Variants in SLCO1C1 observed in about 807,000 individuals in gnomAD.
SLCO1C1 encodes solute carrier organic anion transporter family member 1C1, also known as OAT-RP-5.
A neutral mutation model predicts 76.4 loss-of-function variants in SLCO1C1; 70 were observed. The ratio of observed to expected loss-of-function variants is 0.92; its 90% CI spans 0.76 to 1.12. The LOEUF is 1.12. Ranked by LOEUF, SLCO1C1 falls within the 50% of genes most tolerant of loss-of-function variation. SLCO1C1 has a pLI of 0.00. For synonymous variants in SLCO1C1, 306 were observed against 286.1 expected, an observed-to-expected ratio of 1.07 and a Z score of -0.70; for missense variants, 912 against 823.8, an observed-to-expected ratio of 1.11 and a Z score of -1.31.
rs921146357 is a variant in SLCO1C1 at position 20,722,016 on chromosome 12, G to A, written c.988G>A (p.Gly330Arg). Residue 330 changes from glycine to arginine, a missense_variant, in exon 8 of 15, where the codon GGA (glycine) becomes AGA (arginine). Physicochemically the swap from Gly to Arg is moderately radical, Grantham distance 125. Coordinates refer to ENST00000266509, the MANE Select transcript of SLCO1C1 (RefSeq NM_017435.5). Reference protein sequence around the residue: ...DDHTDYQTPQGENAKIMEMAR... With the variant: ...DDHTDYQTPQRENAKIMEMAR... ...TCACACAGACTACCAAACACCCCAG[G>A]GAGAAAATGCAAAAATAATGGAAAT... 1 of 1,613,658 alleles carries A rather than the reference G, an allele frequency of 6.2e-7. No homozygotes were observed. The highest frequency in any genetic ancestry group is 8.5e-7 in the Non-Finnish European group (1 of 1,179,878).
intron 9 of SLCO1C1, among the ~76,000 whole-genome samples, chr12:20,723,769 C>T (rs1045532024): frequency 6.6e-6 from 1 of 152,116 alleles, no homozygotes; most frequent in Non-Finnish European, 1.5e-5. Context: ...CTTACAAATA[C>T]ATGACCACCA....
At chr12:20,714,510 C>A (rs1254217115) in intron 5 of SLCO1C1, among the ~76,000 whole-genome samples, 1 of 152,016 alleles carries the variant, frequency 6.6e-6, no homozygotes, top group African/African-American at 2.4e-5. Flanking sequence ...CAAATGATTT[C>A]TTTTGTTGGA....
In SLCO1C1 at chr12:20,740,179, T is replaced by A. The variant is rs1948737456; in HGVS notation, c.1549-5T>A. ...ATAATTGGACTTTTCCCTATCGTGT[T>A]ACAGATATTTTACAACTGCACTTGT... is the stretch of plus-strand genomic sequence containing the variant. On this transcript the variant is annotated splice_region_variant and splice_polypyrimidine_tract_variant and intron_variant, in intron 11 of 14. Coordinates refer to ENST00000266509, the MANE Select transcript of SLCO1C1 (RefSeq NM_017435.5). 3 of 1,607,472 alleles carry A rather than the reference T, an allele frequency of 1.9e-6. No individual in the cohort carries two copies. Among genetic ancestry groups the A allele is most frequent in the Non-Finnish European group, 2.5e-6 (3 of 1,177,830 alleles).
intron 9 of SLCO1C1, among the ~76,000 whole-genome samples, chr12:20,728,679 A>G (rs1948140488): frequency 6.6e-6 from 1 of 151,966 alleles, no homozygotes. Context: ...AAGTACTATT[A>G]TTATTATTAT....
chr12:20,722,237 G>T, intron 8 of SLCO1C1, among the ~76,000 whole-genome samples, 188 bp downstream of exon 8: 1 of 152,204 alleles, frequency 6.6e-6, no homozygotes, highest in Non-Finnish European at 1.5e-5. Flanking sequence ...AAGAGCAAAG[G>T]CTTGACAGCC....
chr12:20,701,243 GTT>G, intron 2 of SLCO1C1, 73 bp from the exon 3 acceptor site: 2 of 1,312,064 alleles, frequency 1.5e-6, no homozygotes, highest in Non-Finnish European at 2.0e-6. Context: ...TTTTGTATTT[GTT>G]TGTCTATTTA....
At chr12:20,704,242 GATAT>G (rs143641721) in intron 3 of SLCO1C1, among the ~76,000 whole-genome samples, 28 of 150,404 alleles carry the variant, frequency 1.9e-4, no homozygotes, top group East Asian at 1.2e-3. Flanking sequence ...ATGGTATATA[GATAT>G]ATATATATAT....
chr12:20,733,185 T>C, intron 10 of SLCO1C1, 81 bp downstream of exon 10: 1 of 1,332,398 alleles, frequency 7.5e-7, no homozygotes, highest in Non-Finnish European at 1.0e-6. Flanking sequence ...AAAAAGGAAT[T>C]TGATTTTTAA....
At position 20,752,677 on chromosome 12, in the gene SLCO1C1, T is replaced by C; in HGVS notation, c.*149T>C. 1 of 548,744 alleles carries C rather than the reference T, an allele frequency of 1.8e-6. No individual in the cohort carries two copies. The highest frequency in any genetic ancestry group is 3.1e-6 in the Non-Finnish European group (1 of 323,182). The allele number at this position is 548,744 out of a possible 1,614,324, so 34.0% of individuals were successfully genotyped here. A position where few individuals can be genotyped will look rare whatever the true frequency, so the allele number is the denominator to read the frequency against. On this transcript the variant is annotated 3_prime_UTR_variant, in exon 15 of 15. Transcript: ENST00000266509. ...GGTCCTAGGCATTAGGTAATATAAC[T>C]GATAATATACTGAAACATATAATGG...
chr12:20,728,579 G>C (rs949023295), intron 9 of SLCO1C1, among the ~76,000 whole-genome samples: 2 of 151,610 alleles, frequency 1.3e-5, no homozygotes, highest in Non-Finnish European at 2.9e-5. Flanking sequence ...TAATTTGAAG[G>C]AAAGTTGCTT....
rs1946422621 is a variant in SLCO1C1 at position 20,699,590 on chromosome 12, C to G, written c.14C>G (p.Ser5Cys). ...AATGTGTTTATAATGGACACTTCAT[C>G]CAAAGAAAATATCCAGTTGTTCTGC... is the stretch of plus-strand genomic sequence containing the variant. MDTSSKENIQLFCKT... is the reference protein window; with the variant it reads MDTSCKENIQLFCKT... The change falls in exon 2 of 15, where the codon TCC becomes TGC. Residue 5 changes from serine (S) to cysteine (C), a missense_variant. Coordinates refer to ENST00000266509, the MANE Select transcript of SLCO1C1 (RefSeq NM_017435.5). The G allele has an allele frequency of 6.2e-7, 1 of 1,610,742 alleles. No homozygotes were observed. The highest frequency in any genetic ancestry group is 8.5e-7 in the Non-Finnish European group (1 of 1,178,542).
In SLCO1C1 at chr12:20,701,303, T is replaced by G. The variant is rs1288309753; in HGVS notation, c.130-15T>G. 8 of 1,484,742 alleles carry G rather than the reference T, an allele frequency of 5.4e-6. No homozygotes were observed. The East Asian group carries it at 1.4e-4, about 27-fold the overall frequency. 92.0% of individuals were successfully genotyped at this position (1,484,742 alleles called of 1,614,324 possible). A position where few individuals can be genotyped will look rare whatever the true frequency, so the allele number is the denominator to read the frequency against. On this transcript the variant is annotated splice_polypyrimidine_tract_variant and intron_variant, in intron 2 of 14. Coordinates refer to ENST00000266509, the MANE Select transcript of SLCO1C1 (RefSeq NM_017435.5). The stretch of plus-strand genomic sequence containing the variant: ...AGCTGGAGTCAGACTAAGTGTGACC[T>G]GTCATATTTTCCAGGTGTTCTTGTG...
At chr12:20,703,150 T>G (rs987491341) in intron 3 of SLCO1C1, among the ~76,000 whole-genome samples, 2 of 151,922 alleles carry the variant, frequency 1.3e-5, no homozygotes, top group Non-Finnish European at 2.9e-5. Flanking sequence ...GCCCTAATTA[T>G]TTGAGTTACA....
At chr12:20,730,683 C>T (rs1026318244) in intron 9 of SLCO1C1, among the ~76,000 whole-genome samples, 15 of 152,200 alleles carry the variant, frequency 9.9e-5, no homozygotes, top group South Asian at 6.2e-4. Context: ...ACTTCATGAT[C>T]ATGCCCCCTT....
intron 13 of SLCO1C1, among the ~76,000 whole-genome samples, chr12:20,745,427 T>C (rs1948999126): frequency 6.6e-6 from 1 of 152,134 alleles, no homozygotes; most frequent in South Asian, 2.1e-4. Flanking sequence ...ATCAATATTT[T>C]TATGTTGAAA....
intron 5 of SLCO1C1, among the ~76,000 whole-genome samples, chr12:20,713,283 GT>G (rs1565510299): frequency 6.6e-6 from 1 of 151,854 alleles, no homozygotes; most frequent in East Asian, 1.9e-4. Flanking sequence ...GTTTCACCTT[GT>G]TAGCCAGGAT....
At chr12:20,723,704 C>A (rs1258210474) in intron 9 of SLCO1C1, among the ~76,000 whole-genome samples, 1 of 151,990 alleles carries the variant, frequency 6.6e-6, no homozygotes, top group Non-Finnish European at 1.5e-5. Flanking sequence ...TTTCTAGCAA[C>A]ACAGTCAATA....
At position 20,737,358 on chromosome 12, in the gene SLCO1C1, A is replaced by G. The variant is rs567723143; in HGVS notation, c.1548+86A>G. The G allele has an allele frequency of 1.0e-5, 14 of 1,365,206 alleles. No individual in the cohort carries two copies. In the South Asian group the frequency reaches 1.1e-4, roughly 10 times the overall value. The allele number at this position is 1,365,206 out of a possible 1,614,324, so 84.6% of individuals were successfully genotyped here. Reference sequence around the variant, plus strand: ...CTATGGGGGCTCACAGCAGACCACTACTAGTAGGAGGCTTGCCTCTTACCT... The same window carrying G: ...CTATGGGGGCTCACAGCAGACCACTGCTAGTAGGAGGCTTGCCTCTTACCT... On this transcript the variant is annotated intron_variant, in intron 11 of 14. Coordinates refer to ENST00000266509, the MANE Select transcript of SLCO1C1 (RefSeq NM_017435.5).
chr12:20,709,880 T>C (rs1326284407), intron 4 of SLCO1C1, among the ~76,000 whole-genome samples: 1 of 109,124 alleles, frequency 9.2e-6, no homozygotes, highest in South Asian at 3.4e-4. Context: ...AGAGCGAGAC[T>C]CCGTCTCAAA....
Sources: allele counts gnomAD v4.1 joint callset (sites outside exome capture counted in the v4.1 genomes callset), GRCh38; gene constraint gnomAD v4.1.1; transcripts MANE v1.5; gene names NCBI Gene and HGNC (gene_info 2026-07-23, HGNC 2026-07-21).